Variants in RASGRP4 observed in about 807,000 individuals in gnomAD.
RASGRP4 encodes RAS guanyl releasing protein 4, also known as RAS guanyl-releasing protein 4.
In RASGRP4, 52 loss-of-function variants were observed where a neutral mutation model predicts 84.4. The observed-to-expected ratio is 0.62, with a 90% CI of 0.49 to 0.78. The LOEUF (loss-of-function observed/expected upper bound fraction) is 0.78. RASGRP4 is among the 30% of genes least tolerant of loss of function. RASGRP4 has a pLI of 0.00. For synonymous variants in RASGRP4, 356 were observed against 359.1 expected, an observed-to-expected ratio of 0.99 and a Z score of 0.10; for missense variants, 760 against 886.9, an observed-to-expected ratio of 0.86 and a Z score of 1.82.
In RASGRP4 at chr19:38,417,313, C is replaced by CGGCAAGA. The variant is rs1457945194; in HGVS notation, c.838-152_838-146dup. The CGGCAAGA allele has an allele frequency of 4.8e-5, 31 of 647,114 alleles. No homozygotes were observed. The African/African-American group carries it at 5.5e-4, about 12-fold the overall frequency. 40.1% of individuals were successfully genotyped at this position (647,114 alleles called of 1,614,324 possible). On this transcript the variant is annotated intron_variant, in intron 7 of 16. Coordinates refer to ENST00000615439, the MANE Select transcript of RASGRP4 (RefSeq NM_170604.3). This position sits in a 1 kb window ranked among gnomAD's most constrained non-coding sequence, Gnocchi z 5.1. ...ACAGGTGAGAGAAGGCGGGTGTGTG[C>CGGCAAGA]GGCAAGAGTGGGACATGCCATGTGT...
intron 2 of RASGRP4, among the ~76,000 whole-genome samples, chr19:38,421,537 C>A (rs1182381629): frequency 6.6e-6 from 1 of 152,048 alleles, no homozygotes; most frequent in Non-Finnish European, 1.5e-5. Flanking sequence ...CATGGTGAAA[C>A]ACCGTTTCTA....
In RASGRP4 at chr19:38,426,086, G is replaced by C; in HGVS notation, c.6C>G (p.Asn2Lys). M[N>K]RKDSKRKSHQ... ...CCTCTCACCTCTTACTGTCTTTTCT[G>C]TTCATGCTTCCCGCGTGGGGTGAGG... The change falls in exon 1 of 17, where the codon AAC becomes AAG. Residue 2 changes from asparagine to lysine, a missense_variant. Coordinates refer to ENST00000615439, the MANE Select transcript of RASGRP4 (RefSeq NM_170604.3). 13 of 1,343,644 alleles carry C rather than the reference G, an allele frequency of 9.7e-6. No homozygotes were observed. Among genetic ancestry groups the C allele is most frequent in the Non-Finnish European group, 1.2e-5 (12 of 1,038,286 alleles). The allele number at this position is 1,343,644 out of a possible 1,614,324, so 83.2% of individuals were successfully genotyped here. A position where few individuals can be genotyped will look rare whatever the true frequency, so the allele number is the denominator to read the frequency against.
chr19:38,411,005 G>T lies in RASGRP4; in HGVS notation c.1853-7C>A. ...GAGTGATTTTCCTCGGAGCCTGTTT[G>T]TGGGTGGATGGAAGGGATGTGGGTC... On this transcript the variant is annotated splice_polypyrimidine_tract_variant and splice_region_variant and intron_variant, in intron 15 of 16. Transcript: ENST00000615439. The T allele has an allele frequency of 6.2e-7, 1 of 1,606,222 alleles. No individual in the cohort carries two copies. The highest frequency in any genetic ancestry group is 8.5e-7 in the Non-Finnish European group (1 of 1,176,400).
rs183422897 is a variant in RASGRP4, at chr19:38,421,969, C to T, written c.208G>A (p.Asp70Asn). 318 of 1,609,268 alleles carry T rather than the reference C, an allele frequency of 2.0e-4. No homozygotes were observed. Among genetic ancestry groups the T allele is most frequent in the Admixed American group, 1.7e-3 (100 of 59,444 alleles). Residue 70 changes from aspartate to asparagine, a missense_variant and splice_region_variant, in exon 2 of 17, where the codon GAT becomes AAT. Transcript: ENST00000615439. ...ELLEKCIQSF[D>N]SAGSLCHEDH... ...AGGCTGCTGGGGAGAGGACACTTACCGAAGGACTGGATGCATTTCTCCAGC... is the reference window on the plus strand; with the variant it reads ...AGGCTGCTGGGGAGAGGACACTTACTGAAGGACTGGATGCATTTCTCCAGC...
rs920352059 is a variant in RASGRP4 at position 38,417,999 on chromosome 19, C to A, written c.837+392G>T. On this transcript the variant is annotated intron_variant, in intron 7 of 16. Transcript: ENST00000615439. The surrounding 1 kb of genome is among the most constrained non-coding windows in gnomAD (Gnocchi z 5.1). ...ACAATGGGGCGGGGCGGGGAGAGCC[C>A]GGACGCAATGGGGAGCGATGCACAA... Among the ~76,000 whole-genome samples, 5 of 149,936 alleles carry A rather than the reference C, an allele frequency of 3.3e-5. No homozygotes were observed. Among genetic ancestry groups the A allele is most frequent in the African/African-American group, 1.2e-4 (5 of 40,700 alleles).
Position 38,409,116 on chromosome 19 carries a change from C to T in RASGRP4, c.*924G>A. On this transcript the variant is annotated 3_prime_UTR_variant, in exon 17 of 17. Transcript: ENST00000615439. ...GGACCTCTCTCTGTGGGGGCCAAGT[C>T]AGGGGTGTTGGGGTTTGTGAAGGGG... 1 of 378,994 alleles carries T rather than the reference C, an allele frequency of 2.6e-6. No homozygotes were observed. Among genetic ancestry groups the T allele is most frequent in the Non-Finnish European group, 4.6e-6 (1 of 218,266 alleles). 23.5% of individuals were successfully genotyped at this position (378,994 alleles called of 1,614,324 possible).
At position 38,412,902 on chromosome 19, in the gene RASGRP4, C is replaced by T. The variant is rs776797792; in HGVS notation, c.1535+29G>A. 104 of 1,613,180 alleles carry T rather than the reference C, an allele frequency of 6.4e-5. 1 individual carries two copies. In the Admixed American group the frequency reaches 1.5e-3, roughly 23 times the overall value. On this transcript the variant is annotated intron_variant, in intron 12 of 16. Coordinates refer to ENST00000615439, the MANE Select transcript of RASGRP4 (RefSeq NM_170604.3). This position sits in a 1 kb window ranked among gnomAD's most constrained non-coding sequence, Gnocchi z 4.6. Reference sequence around the variant, plus strand: ...CAGGCAACCCCAGTGTCCTCATCTTCGGAGGATCCAGGAGTCACAACCACT... The same window carrying T: ...CAGGCAACCCCAGTGTCCTCATCTTTGGAGGATCCAGGAGTCACAACCACT...
In RASGRP4 at chr19:38,410,905, G is replaced by A; in HGVS notation, c.1946C>T (p.Pro649Leu). 6.2e-7 allele frequency: 1 copy of A among 1,600,246 alleles called. No homozygotes were observed. Among genetic ancestry groups the A allele is most frequent in the Non-Finnish European group, 8.5e-7 (1 of 1,173,446 alleles). ...HAWTQTESPHPSWETDTVPCP... is the reference protein window; with the variant it reads ...HAWTQTESPHLSWETDTVPCP... The stretch of plus-strand genomic sequence containing the variant: ...CCTCACCGTATCTGTTTCCCAGGAA[G>A]GGTGTGGGGATTCAGTCTGGGTCCA... Residue 649 changes from proline to leucine, a missense_variant, in exon 16 of 17, where the codon CCT becomes CTT. Coordinates refer to ENST00000615439, the MANE Select transcript of RASGRP4 (RefSeq NM_170604.3).
chr19:38,421,482 C>T (rs1352913394), intron 2 of RASGRP4, among the ~76,000 whole-genome samples: 5 of 152,232 alleles, frequency 3.3e-5, no homozygotes, highest in African/African-American at 7.2e-5. Context: ...GAGGCTGAAT[C>T]GGGCGGATCA....
rs535772381 is a variant in RASGRP4, at chr19:38,423,192, C to CT, written c.24-1040dup. Among the ~76,000 whole-genome samples, 1,137 of 152,292 alleles carry CT rather than the reference C, an allele frequency of 7.5e-3. 8 individuals carry two copies. The highest frequency in any genetic ancestry group is 0.013 in the Non-Finnish European group (858 of 68,026). On this transcript the variant is annotated intron_variant, in intron 1 of 16. Coordinates refer to ENST00000615439, the MANE Select transcript of RASGRP4 (RefSeq NM_170604.3). ...CCTCCTCAGGGCTCCCGTTTGGTCT[C>CT]TAACACCCTCCCCTCCTTCCTCCCA...
rs950957182 is a variant in RASGRP4, at chr19:38,417,935, G to T, written c.837+456C>A. ...TCCCCAGAAGGGCGAGAAGGTGTCCGGAAAGGAGGGGGAAGGGAGGGGAAG... is the reference window on the plus strand; with the variant it reads ...TCCCCAGAAGGGCGAGAAGGTGTCCTGAAAGGAGGGGGAAGGGAGGGGAAG... On this transcript the variant is annotated intron_variant, in intron 7 of 16. Transcript: ENST00000615439. The surrounding 1 kb of genome is among the most constrained non-coding windows in gnomAD (Gnocchi z 5.1). 6.6e-6 allele frequency among the ~76,000 whole-genome samples: 1 copy of T among 152,012 alleles called. No individual in the cohort carries two copies.
In RASGRP4 at chr19:38,415,094, G is replaced by A. The variant is rs1462022597; in HGVS notation, c.984C>T (p.Ala328=). ...GGTAGCGGGCGTAGTTGTTGTGGGA[G>A]GCAAGGAGCTCAGTGAGCTCCAGGA... ...KALLELTELL[A]SHNNYARYRR... Residue 328 remains alanine (A), a synonymous_variant, in exon 9 of 17, where the codon GCC becomes GCT. Transcript: ENST00000615439. 2 of 1,599,516 alleles carry A rather than the reference G, an allele frequency of 1.3e-6. No homozygotes were observed. The highest frequency in any genetic ancestry group is 1.7e-6 in the Non-Finnish European group (2 of 1,172,956).
At chr19:38,419,777 C>G (rs1331843887) in intron 6 of RASGRP4, 83 bp downstream of exon 6, 5 of 1,351,344 alleles carry the variant, frequency 3.7e-6, no homozygotes, top group Non-Finnish European at 4.1e-6. Flanking sequence ...CAGGTGTCCT[C>G]TCAGTCCTAC....
At position 38,413,974 on chromosome 19, in the gene RASGRP4, G is replaced by A. The variant is rs1011317840; in HGVS notation, c.1231-500C>T. On this transcript the variant is annotated intron_variant, in intron 9 of 16. Transcript: ENST00000615439. This position sits in a 1 kb window ranked among gnomAD's most constrained non-coding sequence, Gnocchi z 4.7. ...GACAGAGTCTTGCTCTGTCACCCAGGCTGGAGTGTAGTGGTACGATCTTGG... is the reference window on the plus strand; with the variant it reads ...GACAGAGTCTTGCTCTGTCACCCAGACTGGAGTGTAGTGGTACGATCTTGG... Among the ~76,000 whole-genome samples, 1 of 152,184 alleles carries A rather than the reference G, an allele frequency of 6.6e-6. No homozygotes were observed. Among genetic ancestry groups the A allele is most frequent in the Admixed American group, 6.5e-5 (1 of 15,280 alleles).
At position 38,412,488 on chromosome 19, in the gene RASGRP4, T is replaced by C; in HGVS notation, c.1680+184A>G. ...GTCTGGGGTGGACATTATCTGGGAT[T>C]TTGGGATTATCTGGCATTTGGAGAT... On this transcript the variant is annotated intron_variant, in intron 13 of 16. Coordinates refer to ENST00000615439, the MANE Select transcript of RASGRP4 (RefSeq NM_170604.3). The surrounding 1 kb of genome is among the most constrained non-coding windows in gnomAD (Gnocchi z 4.6). 1 of 624,016 alleles carries C rather than the reference T, an allele frequency of 1.6e-6. No homozygotes were observed. Among genetic ancestry groups the C allele is most frequent in the Non-Finnish European group, 2.7e-6 (1 of 364,640 alleles). The allele number at this position is 624,016 out of a possible 1,614,324, so 38.7% of individuals were successfully genotyped here. A position where few individuals can be genotyped will look rare whatever the true frequency, so the allele number is the denominator to read the frequency against.
intron 4 of RASGRP4, 59 bp from the exon 5 acceptor site, chr19:38,420,321 G>A (rs1971687998): frequency 1.3e-6 from 2 of 1,572,438 alleles, no homozygotes; most frequent in African/African-American, 2.7e-5. Context: ...CTCTACAAGG[G>A]GTATTTTGGG....
intron 1 of RASGRP4, among the ~76,000 whole-genome samples, chr19:38,422,412 T>G (rs367568685): frequency 3.4e-4 from 52 of 152,200 alleles, no homozygotes; most frequent in African/African-American, 1.3e-3. Flanking sequence ...GAGAGGAAGA[T>G]CCTCAAGACC....
rs761335022 is a variant in RASGRP4 at position 38,411,026 on chromosome 19, G to C, written c.1853-28C>G. On this transcript the variant is annotated intron_variant, in intron 15 of 16. Coordinates refer to ENST00000615439, the MANE Select transcript of RASGRP4 (RefSeq NM_170604.3). ...GTTTGTGGGTGGATGGAAGGGATGTGGGTCTGATGGGAAGGACCTCTTCTT... is the reference window on the plus strand; with the variant it reads ...GTTTGTGGGTGGATGGAAGGGATGTCGGTCTGATGGGAAGGACCTCTTCTT... 8.1e-6 allele frequency: 13 copies of C among 1,609,048 alleles called. No individual in the cohort carries two copies. The East Asian group carries it at 2.2e-4, about 28-fold the overall frequency.
chr19:38,423,988 G>A (rs936031786), intron 1 of RASGRP4, among the ~76,000 whole-genome samples: 2 of 152,182 alleles, frequency 1.3e-5, no homozygotes, highest in Non-Finnish European at 2.9e-5. Context: ...AGCTTCAGAC[G>A]AAAGTAGAAT....
Sources: allele counts gnomAD v4.1 joint callset (sites outside exome capture counted in the v4.1 genomes callset), GRCh38; gene constraint gnomAD v4.1.1; non-coding constraint Gnocchi (gnomAD v3.1); transcripts MANE v1.5; gene names NCBI Gene and HGNC (gene_info 2026-07-23, HGNC 2026-07-21).